The following KLF8 variants were observed in gnomAD, a reference collection of about 807,000 sequenced individuals.
KLF8 encodes the protein Krueppel-like factor 8.
A neutral mutation model predicts 18.2 loss-of-function variants in KLF8; 10 were observed. The ratio of observed to expected loss-of-function variants is 0.55; its 90% CI spans 0.34 to 0.93. The LOEUF (loss-of-function observed/expected upper bound fraction) is 0.93. Among genes scored for constraint, KLF8 ranks in the 40% least tolerant of loss-of-function variants. The pLI, the probability that KLF8 is intolerant of heterozygous loss-of-function variation, is 0.02. For missense variants in KLF8, 264 were observed against 277.9 expected (o/e 0.95, Z 0.36); for synonymous variants, 109 against 97.3 (o/e 1.12, Z -0.71).
chrX:56,001,605 T>C, the KLF8 span, among the ~76,000 whole-genome samples: 1 of 112,178 alleles, frequency 8.9e-6, no homozygotes, highest in African/African-American at 3.2e-5. Flanking sequence ...CTATATATTC[T>C]CCTCAACCAG....
At chrX:56,197,970 A>C in the KLF8 span, among the ~76,000 whole-genome samples, 1 of 112,258 alleles carries the variant, frequency 8.9e-6, no homozygotes, top group South Asian at 3.7e-4. Context: ...TCACATTAAC[A>C]GAACCAAAGA....
chrX:56,156,099 A>T, the KLF8 span, among the ~76,000 whole-genome samples: 1 of 112,550 alleles, frequency 8.9e-6, no homozygotes, highest in Middle Eastern at 4.6e-3. Context: ...TATTATGAAT[A>T]GCACAGTTGC....
the KLF8 span, among the ~76,000 whole-genome samples, chrX:55,960,487 C>T: frequency 9.1e-6 from 1 of 110,186 alleles, no homozygotes; most frequent in East Asian, 2.9e-4. Flanking sequence ...TTCACTCCTG[C>T]CTGGGCAACA....
the KLF8 span, among the ~76,000 whole-genome samples, chrX:56,118,450 A>T: frequency 8.1e-5 from 9 of 111,431 alleles, no homozygotes; most frequent in African/African-American, 2.9e-4. Flanking sequence ...TATTTGTATT[A>T]TTCTTAAGTA....
chrX:56,041,677 T>C, the KLF8 span, among the ~76,000 whole-genome samples: 5 of 108,298 alleles, frequency 4.6e-5, no homozygotes, highest in African/African-American at 1.7e-4. Flanking sequence ...TTTGTTGTTG[T>C]TGTTGTTGTT....
chrX:55,916,908 A>G, the KLF8 span, among the ~76,000 whole-genome samples: 1 of 111,969 alleles, frequency 8.9e-6, no homozygotes, highest in South Asian at 3.7e-4. Context: ...TGCTCTCAGC[A>G]AAGTTTCCTT....
At chrX:56,081,396 C>T in the KLF8 span, among the ~76,000 whole-genome samples, 4 of 111,608 alleles carry the variant, frequency 3.6e-5, no homozygotes, top group East Asian at 8.4e-4. Context: ...GGATCTCTTG[C>T]GATGTTTATA....
At chrX:55,908,528 GA>G in the KLF8 span, 6 of 295,982 alleles carry the variant, frequency 2.0e-5, no homozygotes, top group Admixed American at 3.7e-4. Context: ...GTAAGCTAAC[GA>G]GAAAGTAGGG....
At chrX:56,201,232 A>G in the KLF8 span, among the ~76,000 whole-genome samples, 2 of 112,166 alleles carry the variant, frequency 1.8e-5, no homozygotes, top group Admixed American at 9.5e-5. Flanking sequence ...CACAAGAATG[A>G]AGAAAGAAAA....
the KLF8 span, among the ~76,000 whole-genome samples, chrX:55,964,283 A>T: frequency 8.9e-6 from 1 of 112,234 alleles, no homozygotes; most frequent in Non-Finnish European, 1.9e-5. Context: ...AATTGAATGA[A>T]ATTGAGATGC....
At chrX:56,197,698 A>C in the KLF8 span, among the ~76,000 whole-genome samples, 1 of 112,037 alleles carries the variant, frequency 8.9e-6, no homozygotes, top group African/African-American at 3.2e-5. Flanking sequence ...AAATTATTCC[A>C]ATCAATAGAA....
the KLF8 span, among the ~76,000 whole-genome samples, chrX:56,148,789 A>G: frequency 4.5e-5 from 5 of 111,504 alleles, no homozygotes; most frequent in Non-Finnish European, 9.4e-5. Context: ...CTACCAGGAG[A>G]ACAGTATGGG....
At chrX:56,183,437 C>T in the KLF8 span, among the ~76,000 whole-genome samples, 1 of 111,897 alleles carries the variant, frequency 8.9e-6, no homozygotes, top group East Asian at 2.8e-4. Flanking sequence ...CGGTGCCCTG[C>T]CCTGCTTCAG....
the KLF8 span, among the ~76,000 whole-genome samples, chrX:55,931,761 T>G: frequency 5.1e-4 from 57 of 111,909 alleles, no homozygotes; most frequent in African/African-American, 1.8e-3. Context: ...TCCTTTTGCA[T>G]TTGCTGAGGA....
upstream of KLF8, among the ~76,000 whole-genome samples, chrX:56,229,655 T>C (rs2066388492): frequency 8.9e-6 from 1 of 111,927 alleles, no homozygotes; most frequent in South Asian, 3.8e-4. Context: ...ATGGGTTTCA[T>C]AGTTCCCTGT....
the KLF8 span, among the ~76,000 whole-genome samples, chrX:56,119,635 C>T: frequency 9.1e-6 from 1 of 110,119 alleles, no homozygotes; most frequent in African/African-American, 3.3e-5. Context: ...CTCCTGACCT[C>T]ATGATCCACC....
chrX:55,944,342 T>C, the KLF8 span, among the ~76,000 whole-genome samples: 4 of 110,711 alleles, frequency 3.6e-5, no homozygotes, highest in African/African-American at 1.3e-4. Flanking sequence ...GATGCTGGCC[T>C]CATAAAATGA....
At chrX:56,146,858 A>G in the KLF8 span, among the ~76,000 whole-genome samples, 4 of 111,891 alleles carry the variant, frequency 3.6e-5, no homozygotes, top group Non-Finnish European at 7.5e-5. Context: ...TAAAACACAT[A>G]TTTTCTTTCG....
At chrX:56,129,492 G>T in the KLF8 span, among the ~76,000 whole-genome samples, 2 of 111,403 alleles carry the variant, frequency 1.8e-5, no homozygotes, top group South Asian at 7.6e-4. Context: ...AAATACAGGG[G>T]TAGAGGAAAC....
Sources: allele counts gnomAD v4.1 joint callset (sites outside exome capture counted in the v4.1 genomes callset), GRCh38; gene constraint gnomAD v4.1.1; transcripts MANE v1.5; gene names NCBI Gene and HGNC (gene_info 2026-07-23, HGNC 2026-07-21).